Variants in PCMTD2 observed in about 807,000 individuals in gnomAD.
PCMTD2 encodes protein-L-isoaspartate O-methyltransferase domain-containing protein 2.
PCMTD2 carries 16 observed loss-of-function variants against 33.4 expected under a neutral mutation model. The observed-to-expected ratio is 0.48, with a 90% CI of 0.32 to 0.73. The LOEUF is 0.73. Ranked by LOEUF, PCMTD2 falls within the 30% of genes least tolerant of loss-of-function variation. The pLI, the probability that PCMTD2 is intolerant of heterozygous loss-of-function variation, is 0.03. For synonymous variants in PCMTD2, 161 were observed against 160.8 expected (o/e 1.00, Z -0.01); for missense variants, 374 against 449.9 (o/e 0.83, Z 1.53).
At chr20:64,256,106 G>C (rs1601735958) in intron 1 of PCMTD2, among the ~76,000 whole-genome samples, 1 of 152,282 alleles carries the variant, frequency 6.6e-6, no homozygotes, top group South Asian at 2.1e-4. Context: ...CTCTCCCGGT[G>C]CCCGTTGCTC....
intron 4 of PCMTD2, 62 bp from the exon 5 acceptor site, chr20:64,267,825 A>G: frequency 2.1e-6 from 3 of 1,448,178 alleles, no homozygotes; most frequent in Non-Finnish European, 2.9e-6. Context: ...TATAGGAATG[A>G]TTAAATATGA....
chr20:64,273,672 T>C lies in PCMTD2; in HGVS notation c.*72T>C. ...TGAAGTTCGTGCTGCCTGTGTGCTG[T>C]TGAAGGGTCACCTGGAGGCAGACGT... On this transcript the variant is annotated 3_prime_UTR_variant, in exon 6 of 6. Coordinates refer to ENST00000308824, the MANE Select transcript of PCMTD2 (RefSeq NM_018257.3). 1 of 1,356,734 alleles carries C rather than the reference T, an allele frequency of 7.4e-7. No homozygotes were observed. The highest frequency in any genetic ancestry group is 1.0e-6 in the Non-Finnish European group (1 of 1,002,084). The allele number at this position is 1,356,734 out of a possible 1,614,324, so 84.0% of individuals were successfully genotyped here. A position where few individuals can be genotyped will look rare whatever the true frequency, so the allele number is the denominator to read the frequency against.
intron 4 of PCMTD2, 101 bp from the exon 5 acceptor site, chr20:64,267,786 T>C: frequency 1.0e-5 from 10 of 975,496 alleles, no homozygotes; most frequent in Non-Finnish European, 1.5e-5. Flanking sequence ...CATTTTATTG[T>C]AAGCATTTCT....
intron 4 of PCMTD2, among the ~76,000 whole-genome samples, chr20:64,266,470 C>G (rs1478413229): frequency 6.6e-6 from 1 of 152,004 alleles, no homozygotes; most frequent in African/African-American, 2.4e-5. Flanking sequence ...GTTGTTCAGG[C>G]TGGTCTCAGA....
In PCMTD2 at chr20:64,274,897, C is replaced by A. The variant is rs1366405071; in HGVS notation, c.*1297C>A. On this transcript the variant is annotated 3_prime_UTR_variant, in exon 6 of 6. Transcript: ENST00000308824. Reference sequence around the variant, plus strand: ...GTTCTTTTTAAAACATTTTTTTTTACCCAAAGAAAAGAATAATAGAAATTA... The same window carrying A: ...GTTCTTTTTAAAACATTTTTTTTTAACCAAAGAAAAGAATAATAGAAATTA... 1 of 151,920 alleles carries A rather than the reference C, an allele frequency of 6.6e-6. No individual in the cohort carries two copies. The highest frequency in any genetic ancestry group is 6.6e-5 in the Admixed American group (1 of 15,256). The allele number at this position is 151,920 out of a possible 1,614,324, so 9.4% of individuals were successfully genotyped here.
chr20:64,263,215 G>A (rs964549361), intron 2 of PCMTD2, among the ~76,000 whole-genome samples: 2 of 152,218 alleles, frequency 1.3e-5, no homozygotes, highest in East Asian at 3.8e-4. Context: ...TTGACGTTCA[G>A]AGTAATTCAG....
Position 64,273,341 on chromosome 20 carries a change from G to A in PCMTD2, c.827G>A (p.Arg276Lys), listed in dbSNP as rs1430991087. Residue 276 changes from arginine to lysine, a missense_variant, in exon 6 of 6, where the codon AGG (arginine) becomes AAG (lysine). By Grantham distance (26) the Arg-to-Lys change is conservative (BLOSUM62 2). Transcript: ENST00000308824. ...GGAAACGGACTAAAGAACACCCCCAGGTTTAAACGAAGGAGAGTTCGCCGC... is the reference window on the plus strand; with the variant it reads ...GGAAACGGACTAAAGAACACCCCCAAGTTTAAACGAAGGAGAGTTCGCCGC... Reference protein sequence around the residue: ...KNGNGLKNTPRFKRRRVRRRR... With the variant: ...KNGNGLKNTPKFKRRRVRRRR... 1.2e-6 allele frequency: 2 copies of A among 1,614,148 alleles called. No homozygotes were observed. The highest frequency in any genetic ancestry group is 2.2e-5 in the South Asian group (2 of 91,080).
At chr20:64,271,931 A>G (rs1478795950) in intron 5 of PCMTD2, 1 of 314,934 alleles carries the variant, frequency 3.2e-6, no homozygotes, top group Non-Finnish European at 6.4e-6. Context: ...ATCTGTCTAG[A>G]TGTGAGATGA....
chr20:64,266,696 G>T (rs1985675399), intron 4 of PCMTD2, among the ~76,000 whole-genome samples: 1 of 152,056 alleles, frequency 6.6e-6, no homozygotes, highest in African/African-American at 2.4e-5. Flanking sequence ...TGTTTTAAAT[G>T]TCTTTGCTTA....
Position 64,255,868 on chromosome 20 carries a change from G to C in PCMTD2, c.-27G>C, listed in dbSNP as rs1050938890. 4.9e-4 allele frequency: 74 copies of C among 152,538 alleles called. No individual in the cohort carries two copies. The highest frequency in any genetic ancestry group is 9.5e-4 in the Non-Finnish European group (66 of 69,556). The allele number at this position is 152,538 out of a possible 1,614,324, so 9.4% of individuals were successfully genotyped here. ...CGAACCCGTCGGCCGGCCGAGCCTG[G>C]AGGTAGAGCCGCCGCCGCCGCCGCC... On this transcript the variant is annotated splice_region_variant and 5_prime_UTR_variant, in exon 1 of 6. Coordinates refer to ENST00000308824, the MANE Select transcript of PCMTD2 (RefSeq NM_018257.3).
At chr20:64,264,250 G>A (rs921631057) in intron 2 of PCMTD2, among the ~76,000 whole-genome samples, 179 bp from the exon 3 acceptor site, 4 of 152,230 alleles carry the variant, frequency 2.6e-5, no homozygotes. Context: ...GAGCAGAGAA[G>A]CCCAGGCCTC....
At chr20:64,269,460 A>G (rs1985794890) in intron 5 of PCMTD2, among the ~76,000 whole-genome samples, 1 of 152,092 alleles carries the variant, frequency 6.6e-6, no homozygotes, top group South Asian at 2.1e-4. Flanking sequence ...CTTTGAAGAG[A>G]GTGTTAGATG....
At chr20:64,261,047 C>T (rs1202513814) in intron 2 of PCMTD2, among the ~76,000 whole-genome samples, 1 of 152,090 alleles carries the variant, frequency 6.6e-6, no homozygotes, top group East Asian at 1.9e-4. Context: ...AAATTAGTTT[C>T]AGGGATGGAA....
intron 4 of PCMTD2, among the ~76,000 whole-genome samples, chr20:64,266,342 C>CT (rs1477231447): frequency 2.0e-5 from 3 of 152,228 alleles, no homozygotes; most frequent in Non-Finnish European, 4.4e-5. Context: ...AGTGCAACCT[C>CT]TGCCTCCTGG....
intron 1 of PCMTD2, among the ~76,000 whole-genome samples, chr20:64,259,482 G>A (rs2145753839): frequency 6.7e-6 from 1 of 149,868 alleles, no homozygotes; most frequent in East Asian, 2.0e-4. Flanking sequence ...TCTGCCTCCC[G>A]GGTTCAAGTG....
chr20:64,271,832 C>T (rs1016351601), intron 5 of PCMTD2: 4 of 198,334 alleles, frequency 2.0e-5, no homozygotes, highest in East Asian at 2.3e-4. Flanking sequence ...CTGGAGAGGC[C>T]GGAGCTGAGG....
chr20:64,260,057 A>G lies in PCMTD2; in HGVS notation c.92A>G (p.Gln31Arg). The change falls in exon 2 of 6, where the codon CAG becomes CGG. Residue 31 changes from glutamine to arginine, a missense_variant. Coordinates refer to ENST00000308824, the MANE Select transcript of PCMTD2 (RefSeq NM_018257.3). ...AQYIRTELVE[Q>R]AFRAIDRADY... ...TATATCCGGACTGAGCTGGTAGAGC[A>G]GGCTTTCAGAGCTATCGATCGTGCA... 1 of 1,610,396 alleles carries G rather than the reference A, an allele frequency of 6.2e-7. No individual in the cohort carries two copies. Among genetic ancestry groups the G allele is most frequent in the Non-Finnish European group, 8.5e-7 (1 of 1,176,560 alleles).
In PCMTD2 at chr20:64,259,386, CTTTTTTTTT is replaced by C. The variant is rs3076992; in HGVS notation, c.-24-544_-24-536del. 2.5e-5 allele frequency among the ~76,000 whole-genome samples: 3 copies of C among 118,732 alleles called. No homozygotes were observed. The Admixed American group carries it at 2.6e-4, about 10-fold the overall frequency. 77.9% of individuals were successfully genotyped at this position (118,732 alleles called of 152,430 possible). A position where few individuals can be genotyped will look rare whatever the true frequency, so the allele number is the denominator to read the frequency against. ...CCACCTAAAGTTTTTTTTCTTTTCT[CTTTTTTTTT>C]TTTTTTTTTTTGAGACAGAGTCTTG... On this transcript the variant is annotated intron_variant, in intron 1 of 5. Coordinates refer to ENST00000308824, the MANE Select transcript of PCMTD2 (RefSeq NM_018257.3).
chr20:64,271,306 AGACG>A lies in PCMTD2; in HGVS notation c.707-1914_707-1911del. Among the ~76,000 whole-genome samples, 2 of 19,176 alleles carry A rather than the reference AGACG, an allele frequency of 1.0e-4. 1 individual carries two copies. The highest frequency in any genetic ancestry group is 1.0e-3 in the African/African-American group (2 of 1,990). The allele number at this position is 19,176 out of a possible 152,430, so 12.6% of individuals were successfully genotyped here. On this transcript the variant is annotated intron_variant, in intron 5 of 5. Coordinates refer to ENST00000308824, the MANE Select transcript of PCMTD2 (RefSeq NM_018257.3). ...AAGGGCATGTGAGGTGTTCGTTGTG[AGACG>A]TACAATGGTACAGTCCTTCTGAGGA... is the stretch of plus-strand genomic sequence containing the variant.
Sources: allele counts gnomAD v4.1 joint callset (sites outside exome capture counted in the v4.1 genomes callset), GRCh38; gene constraint gnomAD v4.1.1; transcripts MANE v1.5; gene names NCBI Gene and HGNC (gene_info 2026-07-23, HGNC 2026-07-21).